PTPRE: variants seen among roughly 807,000 people sequenced by gnomAD.
PTPRE encodes receptor-type tyrosine-protein phosphatase epsilon.
PTPRE carries 51 observed loss-of-function variants against 102.0 expected under a neutral mutation model. The observed-to-expected ratio is 0.50, with a 90% CI of 0.40 to 0.63. The LOEUF is 0.63. Among genes scored for constraint, PTPRE ranks in the 30% least tolerant of loss-of-function variants. The probability of loss-of-function intolerance (pLI) is 0.00; values close to 1 mark genes in which losing one functional copy is unlikely to be tolerated. For missense variants in PTPRE, 752 were observed against 915.1 expected (o/e 0.82, Z 2.30); for synonymous variants, 345 against 348.2 (o/e 0.99, Z 0.10).
chr10:127,914,533 G>T (rs904550327), intron 1 of PTPRE, among the ~76,000 whole-genome samples: 14 of 152,180 alleles, frequency 9.2e-5, no homozygotes, highest in African/African-American at 3.4e-4. Flanking sequence ...TTTGGAGGTG[G>T]GAAGGCCTCC....
Position 127,944,959 on chromosome 10 carries a change from G to C in PTPRE, c.-30-37315G>C, listed in dbSNP as rs546348454. Among the ~76,000 whole-genome samples, 3 of 152,138 alleles carry C rather than the reference G, an allele frequency of 2.0e-5. No individual in the cohort carries two copies. Among genetic ancestry groups the C allele is most frequent in the Non-Finnish European group, 4.4e-5 (3 of 68,020 alleles). ...GTGACCCCCAGTGGGCTGGACAGCT[G>C]GGGGGATGGTGGCACCTTCTATCAA... On this transcript the variant is annotated intron_variant, in intron 1 of 20. Coordinates refer to ENST00000254667, the MANE Select transcript of PTPRE (RefSeq NM_006504.6). The surrounding 1 kb of genome is among the most constrained non-coding windows in gnomAD (Gnocchi z 4.2).
At chr10:127,925,824 G>C (rs771154205) in intron 1 of PTPRE, among the ~76,000 whole-genome samples, 16 of 152,264 alleles carry the variant, frequency 1.1e-4, no homozygotes, top group Admixed American at 9.2e-4. Flanking sequence ...CCCCTGGGAG[G>C]TGGAGCACTT....
intron 5 of PTPRE, among the ~76,000 whole-genome samples, chr10:128,048,991 C>T (rs1848329117): frequency 6.6e-6 from 1 of 152,190 alleles, no homozygotes; most frequent in Admixed American, 6.5e-5. Context: ...ACGCGTACTT[C>T]TCCTTCTCAA....
Position 128,070,834 on chromosome 10 carries a change from G to C in PTPRE, c.1320G>C (p.Lys440Asn), listed in dbSNP as rs768865719. Residue 440 changes from lysine (K) to asparagine (N), a missense_variant, in exon 15 of 21, where the codon AAG (lysine) becomes AAC (asparagine). By Grantham distance (94) the Lys-to-Asn change is moderately conservative. This residue lies in a region of PTPRE where 636 missense variants were observed against 824.4 expected (regional missense o/e 0.77). Transcript: ENST00000254667. The surrounding 1 kb of genome is among the most constrained non-coding windows in gnomAD (Gnocchi z 4.8). ...AATTGACAAATGTCCGGATCATGAA[G>C]GAGAACATGAGGACGGGCAACTTGC... ...FRKLTNVRIM[K>N]ENMRTGNLPA... The C allele has an allele frequency of 6.2e-7, 1 of 1,614,116 alleles. No individual in the cohort carries two copies. The highest frequency in any genetic ancestry group is 1.1e-5 in the South Asian group (1 of 91,088).
At chr10:128,072,609 A>T (rs951710321) in intron 16 of PTPRE, 1 of 151,358 alleles carries the variant, frequency 6.6e-6, no homozygotes, top group South Asian at 1.9e-4. Context: ...CTGAGATTAC[A>T]CCACTGTACT....
At chr10:128,067,253 T>C (rs1439961690) in intron 11 of PTPRE, among the ~76,000 whole-genome samples, 9 of 136,354 alleles carry the variant, frequency 6.6e-5, no homozygotes, top group African/African-American at 2.5e-4. Flanking sequence ...CACACATTCA[T>C]GCACATGCAT....
At position 127,977,082 on chromosome 10, in the gene PTPRE, T is replaced by A. The variant is rs1851238197; in HGVS notation, c.-30-5192T>A. Among the ~76,000 whole-genome samples, 3 of 152,162 alleles carry A rather than the reference T, an allele frequency of 2.0e-5. No individual in the cohort carries two copies. The South Asian group carries it at 6.2e-4, about 32-fold the overall frequency. ...AGTCCATCTAAAGTAATGGTCATAG[T>A]CATGGTGCTTAAGCGTTACTGTGAT... On this transcript the variant is annotated intron_variant, in intron 1 of 20. Coordinates refer to ENST00000254667, the MANE Select transcript of PTPRE (RefSeq NM_006504.6).
At chr10:127,994,607 C>T (rs962091595) in intron 2 of PTPRE, among the ~76,000 whole-genome samples, 2 of 152,186 alleles carry the variant, frequency 1.3e-5, no homozygotes, top group Admixed American at 6.5e-5. Context: ...TAAATAAATA[C>T]ATGAAGTCAA....
intron 1 of PTPRE, among the ~76,000 whole-genome samples, chr10:127,931,808 C>A (rs1031901902): frequency 2.6e-5 from 4 of 152,170 alleles, no homozygotes; most frequent in Non-Finnish European, 2.9e-5. Flanking sequence ...CATTTTATTA[C>A]TGTTTATCTC....
intron 3 of PTPRE, among the ~76,000 whole-genome samples, chr10:128,041,773 G>A (rs1466453800): frequency 2.6e-5 from 4 of 151,970 alleles, no homozygotes; most frequent in African/African-American, 9.7e-5. Flanking sequence ...AAGGGTTCAC[G>A]AGTGAACTGT....
intron 1 of PTPRE, among the ~76,000 whole-genome samples, chr10:127,948,161 T>C (rs1355325472): frequency 2.6e-5 from 4 of 152,150 alleles, no homozygotes; most frequent in Non-Finnish European, 5.9e-5. Context: ...AGGGTGAGCC[T>C]AGGCTTAGAA....
At chr10:128,026,030 A>G (rs1014799252) in intron 2 of PTPRE, among the ~76,000 whole-genome samples, 3 of 152,320 alleles carry the variant, frequency 2.0e-5, no homozygotes, top group South Asian at 2.1e-4. Context: ...CAGCACCCCG[A>G]GAGTCTCCCA....
chr10:127,961,724 C>G (rs1478351068), intron 1 of PTPRE, among the ~76,000 whole-genome samples: 1 of 152,196 alleles, frequency 6.6e-6, no homozygotes, highest in African/African-American at 2.4e-5. Context: ...TCCTACCTGT[C>G]ACTGCACTTG....
chr10:127,924,127 T>C (rs1179018510), intron 1 of PTPRE, among the ~76,000 whole-genome samples: 3 of 152,188 alleles, frequency 2.0e-5, no homozygotes, highest in Non-Finnish European at 4.4e-5. Flanking sequence ...TAAGCTTTTT[T>C]GTAGAGAAAG....
intron 1 of PTPRE, among the ~76,000 whole-genome samples, chr10:127,942,872 T>A (rs560625435): frequency 6.6e-6 from 1 of 152,328 alleles, no homozygotes; most frequent in African/African-American, 2.4e-5. Flanking sequence ...ATGTTCAATT[T>A]CATTTTACAC....
At chr10:128,034,157 G>A (rs768689338) in intron 2 of PTPRE, among the ~76,000 whole-genome samples, 4 of 151,988 alleles carry the variant, frequency 2.6e-5, no homozygotes, top group Non-Finnish European at 5.9e-5. Context: ...AGAAATGTTC[G>A]GGCCTTCAAA....
Position 128,056,188 on chromosome 10 carries a change from A to G in PTPRE, c.486A>G (p.Lys162=), listed in dbSNP as rs41282860. 1 of 1,611,116 alleles carries G rather than the reference A, an allele frequency of 6.2e-7. No individual in the cohort carries two copies. The highest frequency in any genetic ancestry group is 8.5e-7 in the Non-Finnish European group (1 of 1,177,270). ...CAAATAAAGAAGAAAACAGAGAAAA[A>G]AACAGATATCCCAACATCCTTCCCA... The part of the protein sequence containing the change: ...ELANKEENRE[K]NRYPNILPND... The change falls in exon 7 of 21, where the codon AAA becomes AAG. Residue 162 remains lysine, a synonymous_variant. Coordinates refer to ENST00000254667, the MANE Select transcript of PTPRE (RefSeq NM_006504.6).
chr10:127,970,315 G>A (rs752035976), intron 1 of PTPRE, among the ~76,000 whole-genome samples: 4 of 152,150 alleles, frequency 2.6e-5, no homozygotes, highest in African/African-American at 7.2e-5. Context: ...ATGGAAGGAC[G>A]GTAAGGTCTT....
chr10:128,054,595 G>A (rs1157950635), intron 6 of PTPRE, among the ~76,000 whole-genome samples: 2 of 151,674 alleles, frequency 1.3e-5, no homozygotes, highest in African/African-American at 2.4e-5. Flanking sequence ...TCTGCTTTGG[G>A]ACCAACAAAC....
Sources: gnomAD v4.1 joint callset for allele counts (sites outside exome capture counted in the v4.1 genomes callset) on GRCh38, gnomAD v4.1.1 for gene constraint, gnomAD v4.1.1 regional missense constraint, Gnocchi (gnomAD v3.1) non-coding constraint, MANE v1.5 for transcripts, NCBI Gene and HGNC (gene_info 2026-07-23, HGNC 2026-07-21) for gene names.